The following ZNF804B variants were observed in gnomAD, a reference collection of about 807,000 sequenced individuals.
ZNF804B encodes the protein zinc finger protein 804B, also known as zinc finger 804B.
A neutral mutation model predicts 101.4 loss-of-function variants in ZNF804B; 80 were observed. That is an observed-to-expected ratio of 0.79 (90% confidence interval 0.66 to 0.95). ZNF804B has a LOEUF of 0.95. ZNF804B is among the 40% of genes least tolerant of loss of function. ZNF804B has a pLI of 0.00. For missense variants in ZNF804B, 1,673 were observed against 1,561.9 expected (o/e 1.07, Z -1.20); for synonymous variants, 622 against 558.8 (o/e 1.11, Z -1.59).
intron 3 of ZNF804B, among the ~76,000 whole-genome samples, chr7:89,329,393 A>C (rs1790944168): frequency 6.6e-6 from 1 of 151,796 alleles, no homozygotes; most frequent in Admixed American, 6.6e-5. Context: ...AGGTGAATTG[A>C]CAAGTGAAAG....
rs149146809 is a variant in ZNF804B, at chr7:88,826,061, G to A, written c.108+65977G>A. Among the ~76,000 whole-genome samples, 284 of 152,256 alleles carry A rather than the reference G, an allele frequency of 1.9e-3. 1 individual carries two copies. Among genetic ancestry groups the A allele is most frequent in the African/African-American group, 6.6e-3 (273 of 41,562 alleles). On this transcript the variant is annotated intron_variant, in intron 1 of 3. Coordinates refer to ENST00000333190, the MANE Select transcript of ZNF804B (RefSeq NM_181646.5). Reference sequence around the variant, plus strand: ...ATAACACAGGTGATTCAAGATTGCTGAAAGGTTTAATGATATATGCACTTG... The same window carrying A: ...ATAACACAGGTGATTCAAGATTGCTAAAAGGTTTAATGATATATGCACTTG...
At chr7:89,009,044 C>G (rs1421028801) in intron 1 of ZNF804B, among the ~76,000 whole-genome samples, 1 of 152,124 alleles carries the variant, frequency 6.6e-6, no homozygotes, top group Non-Finnish European at 1.5e-5. Flanking sequence ...CCACAAGGTA[C>G]TTGCCCATTT....
intron 1 of ZNF804B, among the ~76,000 whole-genome samples, chr7:88,972,878 T>C (rs1793558271): frequency 1.3e-5 from 2 of 151,464 alleles, no homozygotes; most frequent in African/African-American, 4.8e-5. Flanking sequence ...TATAGCGTTA[T>C]GAGTGACAGA....
chr7:89,230,185 A>G (rs1418624773), intron 2 of ZNF804B, among the ~76,000 whole-genome samples: 2 of 152,054 alleles, frequency 1.3e-5, no homozygotes, highest in Non-Finnish European at 2.9e-5. Context: ...GCAGAAATCA[A>G]TAACACTAAA....
chr7:89,075,657 A>G (rs953006337), intron 1 of ZNF804B, among the ~76,000 whole-genome samples: 3 of 152,162 alleles, frequency 2.0e-5, no homozygotes, highest in African/African-American at 7.2e-5. Context: ...CAGAGTCCCT[A>G]CTGGCGCACC....
At chr7:88,794,469 G>A (rs377269794) in intron 1 of ZNF804B, 345 of 1,613,734 alleles carry the variant, frequency 2.1e-4, no homozygotes, top group Non-Finnish European at 2.7e-4. Flanking sequence ...TCACATCGTC[G>A]AGATACATAA....
intron 1 of ZNF804B, among the ~76,000 whole-genome samples, chr7:88,761,284 T>C (rs1789891429): frequency 1.3e-5 from 2 of 152,104 alleles, no homozygotes; most frequent in African/African-American, 4.8e-5. Flanking sequence ...CTATAAAAAG[T>C]GGGTTGTTGC....
At chr7:89,229,014 G>T (rs903379669) in intron 2 of ZNF804B, among the ~76,000 whole-genome samples, 2 of 152,190 alleles carry the variant, frequency 1.3e-5, no homozygotes, top group Non-Finnish European at 2.9e-5. Flanking sequence ...CCGGCCGGCT[G>T]CTCCGAGTGT....
chr7:89,197,005 TTTACACTGTTGGTGGGAGTGTAAA>T (rs150921250), intron 1 of ZNF804B, among the ~76,000 whole-genome samples: 4,472 of 152,122 alleles, frequency 0.029, 86 homozygotes, highest in Non-Finnish European at 0.042. Context: ...TAGGAATGCT[TTTACACTGTTGGTGGGAGTGTAAA>T]TTAGTTCAAC....
intron 1 of ZNF804B, among the ~76,000 whole-genome samples, chr7:88,838,900 C>T (rs566077022): frequency 1.5e-4 from 23 of 151,998 alleles, no homozygotes; most frequent in Admixed American, 1.2e-3. Flanking sequence ...TAGGTGGTCA[C>T]GAATGTAACC....
intron 1 of ZNF804B, among the ~76,000 whole-genome samples, chr7:89,083,758 T>G (rs1789732343): frequency 6.6e-6 from 1 of 151,906 alleles, no homozygotes; most frequent in South Asian, 2.1e-4. Flanking sequence ...TTAAAAGCTA[T>G]AACCTATGGA....
At chr7:88,975,242 G>A (rs1793600368) in intron 1 of ZNF804B, among the ~76,000 whole-genome samples, 1 of 151,374 alleles carries the variant, frequency 6.6e-6, no homozygotes, top group Admixed American at 6.6e-5. Flanking sequence ...ATAAACATGG[G>A]AGGGCAGATG....
At chr7:89,030,044 A>C (rs938180089) in intron 1 of ZNF804B, among the ~76,000 whole-genome samples, 1 of 152,138 alleles carries the variant, frequency 6.6e-6, no homozygotes, top group Admixed American at 6.6e-5. Context: ...GTGTTATAAA[A>C]GAGTTAATTA....
chr7:89,165,595 A>G (rs945567226), intron 1 of ZNF804B, among the ~76,000 whole-genome samples: 1 of 152,086 alleles, frequency 6.6e-6, no homozygotes, highest in African/African-American at 2.4e-5. Context: ...ATATGTGCAA[A>G]CCCATGTCAT....
At chr7:88,890,755 A>G (rs1329498935) in intron 1 of ZNF804B, among the ~76,000 whole-genome samples, 1 of 152,098 alleles carries the variant, frequency 6.6e-6, no homozygotes, top group African/African-American at 2.4e-5. Flanking sequence ...TCAGTTCTGT[A>G]TATTATCCCA....
At chr7:89,110,949 T>G (rs1209246672) in intron 1 of ZNF804B, among the ~76,000 whole-genome samples, 1 of 152,164 alleles carries the variant, frequency 6.6e-6, no homozygotes, top group Non-Finnish European at 1.5e-5. Flanking sequence ...TAGTTTTTCT[T>G]TTTCAAGGTT....
intron 1 of ZNF804B, among the ~76,000 whole-genome samples, chr7:89,039,502 A>G (rs999008882): frequency 4.6e-5 from 7 of 152,000 alleles, no homozygotes; most frequent in African/African-American, 1.2e-4. Flanking sequence ...TAGATAATTT[A>G]CTATTACATG....
chr7:89,228,412 G>A (rs564532606), intron 2 of ZNF804B, among the ~76,000 whole-genome samples: 7 of 152,190 alleles, frequency 4.6e-5, no homozygotes, highest in East Asian at 1.9e-4. Flanking sequence ...TTAGCAGGGC[G>A]CTGATTGGTG....
At chr7:89,293,782 C>T (rs1173772731) in intron 2 of ZNF804B, among the ~76,000 whole-genome samples, 1 of 150,940 alleles carries the variant, frequency 6.6e-6, no homozygotes, top group Non-Finnish European at 1.5e-5. Flanking sequence ...GAGTGAGACT[C>T]CGTCTCAAAA....
Sources: gnomAD v4.1 joint callset for allele counts (sites outside exome capture counted in the v4.1 genomes callset) on GRCh38, gnomAD v4.1.1 for gene constraint, MANE v1.5 for transcripts, NCBI Gene and HGNC (gene_info 2026-07-23, HGNC 2026-07-21) for gene names.